ERC2: variants seen among roughly 807,000 people sequenced by gnomAD.
ERC2 encodes the protein ELKS/RAB6-interacting/CAST family member 2, also known as ERC protein 2.
Under a neutral mutation model 114.8 loss-of-function variants are expected in ERC2, and 42 were observed. That is an observed-to-expected ratio of 0.37 (90% CI 0.29 to 0.47). The LOEUF (loss-of-function observed/expected upper bound fraction) is 0.47, where lower values mean the gene tolerates loss of function less well. ERC2 is among the 20% of genes least tolerant of loss of function. ERC2 has a pLI of 0.99. For missense variants in ERC2, 939 were observed against 1,150.7 expected (o/e 0.82, Z 2.66); for synonymous variants, 454 against 425.5 (o/e 1.07, Z -0.82).
At chr3:56,043,203 C>T (rs2075285629) in intron 7 of ERC2, among the ~76,000 whole-genome samples, 1 of 152,064 alleles carries the variant, frequency 6.6e-6, no homozygotes, top group Non-Finnish European at 1.5e-5. Context: ...ATATAAAAAC[C>T]TGAAGACCTA....
At chr3:55,971,814 C>T (rs2069178735) in intron 12 of ERC2, among the ~76,000 whole-genome samples, 1 of 152,176 alleles carries the variant, frequency 6.6e-6, no homozygotes, top group South Asian at 2.1e-4. Context: ...GCCAAAATCA[C>T]CCTCCTTCTT....
chr3:55,524,251 G>T (rs375498602), intron 17 of ERC2, among the ~76,000 whole-genome samples: 1 of 152,186 alleles, frequency 6.6e-6, no homozygotes. Flanking sequence ...AACCACAGTG[G>T]GGTGTTCATG....
At chr3:56,224,488 A>C (rs1216664177) in intron 3 of ERC2, among the ~76,000 whole-genome samples, 1 of 152,174 alleles carries the variant, frequency 6.6e-6, no homozygotes, top group Non-Finnish European at 1.5e-5. Flanking sequence ...AACACAGAGC[A>C]GGTGAGGAGA....
At chr3:56,129,750 A>G (rs1261471769) in intron 6 of ERC2, among the ~76,000 whole-genome samples, 1 of 152,214 alleles carries the variant, frequency 6.6e-6, no homozygotes, top group Admixed American at 6.5e-5. Context: ...TAAACAAACA[A>G]AAGCACTAAT....
intron 3 of ERC2, among the ~76,000 whole-genome samples, chr3:56,276,752 C>A (rs570668690): frequency 5.3e-5 from 8 of 152,270 alleles, no homozygotes; most frequent in African/African-American, 1.7e-4. Flanking sequence ...AATCTTTTGG[C>A]TTCGCTGGGC....
chr3:56,269,934 G>A (rs1339628742), intron 3 of ERC2, among the ~76,000 whole-genome samples: 2 of 152,132 alleles, frequency 1.3e-5, no homozygotes, highest in African/African-American at 4.8e-5. Flanking sequence ...CACCCCATCA[G>A]TTAATGAAGC....
At chr3:56,414,142 C>T (rs2061051519) in intron 2 of ERC2, among the ~76,000 whole-genome samples, 1 of 152,188 alleles carries the variant, frequency 6.6e-6, no homozygotes, top group African/African-American at 2.4e-5. Context: ...CCCCGCAAAG[C>T]ATGTTCCCTG....
intron 14 of ERC2, among the ~76,000 whole-genome samples, chr3:55,872,586 A>G (rs2062635222): frequency 6.6e-6 from 1 of 151,642 alleles, no homozygotes; most frequent in Non-Finnish European, 1.5e-5. Flanking sequence ...CAGACATGAC[A>G]GTAGATTATA....
chr3:55,823,455 C>G (rs561068410), intron 14 of ERC2, among the ~76,000 whole-genome samples: 5 of 152,232 alleles, frequency 3.3e-5, no homozygotes, highest in Non-Finnish European at 4.4e-5. Flanking sequence ...GCATGGGTCC[C>G]CCTCCTCCCT....
chr3:56,190,103 A>G (rs2083894666), intron 3 of ERC2, among the ~76,000 whole-genome samples: 1 of 152,210 alleles, frequency 6.6e-6, no homozygotes, highest in African/African-American at 2.4e-5. Context: ...GGATCCCTAA[A>G]GGCTGTATCT....
intron 17 of ERC2, among the ~76,000 whole-genome samples, chr3:55,650,047 C>T (rs2060550464): frequency 6.6e-6 from 1 of 152,168 alleles, no homozygotes; most frequent in Non-Finnish European, 1.5e-5. Flanking sequence ...TCCAACCCTC[C>T]AAGCCTGATT....
At chr3:56,173,653 T>G in intron 3 of ERC2, 133 bp from the exon 4 acceptor site, 5 of 702,152 alleles carry the variant, frequency 7.1e-6, no homozygotes, top group South Asian at 1.9e-5. Context: ...CAGGTGTCTC[T>G]TCCCCCACAC....
At chr3:56,074,074 T>C (rs2076863041) in intron 7 of ERC2, among the ~76,000 whole-genome samples, 2 of 152,190 alleles carry the variant, frequency 1.3e-5, no homozygotes, top group Non-Finnish European at 2.9e-5. Flanking sequence ...GGGGTTCTTA[T>C]ATATCAACCT....
At chr3:56,298,140 C>T (rs1254629038) in intron 2 of ERC2, among the ~76,000 whole-genome samples, 1 of 152,136 alleles carries the variant, frequency 6.6e-6, no homozygotes, top group Non-Finnish European at 1.5e-5. Context: ...TTAACATTAC[C>T]TCAGAGACAC....
chr3:55,627,596 A>T (rs1332270950), intron 17 of ERC2, among the ~76,000 whole-genome samples: 1 of 152,234 alleles, frequency 6.6e-6, no homozygotes, highest in Non-Finnish European at 1.5e-5. Flanking sequence ...AATATTTAGA[A>T]GCTAGGCAAG....
chr3:56,178,190 C>G (rs763216560), intron 3 of ERC2, among the ~76,000 whole-genome samples: 2 of 152,132 alleles, frequency 1.3e-5, no homozygotes, highest in Non-Finnish European at 2.9e-5. Context: ...CCAAGATGAA[C>G]CTGTCAGAAT....
intron 6 of ERC2, among the ~76,000 whole-genome samples, chr3:56,135,973 T>C (rs910396193): frequency 6.6e-6 from 1 of 152,174 alleles, no homozygotes. Flanking sequence ...TTGAAGCTAT[T>C]TTAAAAAGTA....
chr3:55,931,665 T>C (rs1576251069), intron 13 of ERC2, among the ~76,000 whole-genome samples: 2 of 151,990 alleles, frequency 1.3e-5, no homozygotes, highest in Non-Finnish European at 2.9e-5. Context: ...GATGGGTTGA[T>C]GGGTGCAGCA....
intron 6 of ERC2, among the ~76,000 whole-genome samples, chr3:56,091,006 A>G (rs2077758346): frequency 6.6e-6 from 1 of 152,184 alleles, no homozygotes; most frequent in Non-Finnish European, 1.5e-5. Flanking sequence ...GTTGAACCAG[A>G]AAGCAAGGAA....
Sources: gnomAD v4.1 joint callset for allele counts (sites outside exome capture counted in the v4.1 genomes callset) on GRCh38, gnomAD v4.1.1 for gene constraint, MANE v1.5 for transcripts, NCBI Gene and HGNC (gene_info 2026-07-23, HGNC 2026-07-21) for gene names.